GPATCH2: variants seen among roughly 807,000 people sequenced by gnomAD.
The protein encoded by GPATCH2 is G patch domain-containing protein 2.
Under a neutral mutation model 58.0 loss-of-function variants are expected in GPATCH2, and 51 were observed. The ratio of observed to expected loss-of-function variants is 0.88; its 90% confidence interval spans 0.70 to 1.11. GPATCH2 has a LOEUF of 1.11. GPATCH2 is among the 50% of genes most tolerant of loss of function. The pLI, the probability that GPATCH2 is intolerant of heterozygous loss-of-function variation, is 0.00. For synonymous variants in GPATCH2, 222 were observed against 218.5 expected (o/e 1.02, Z -0.14); for missense variants, 625 against 652.2 (o/e 0.96, Z 0.45).
intron 5 of GPATCH2, among the ~76,000 whole-genome samples, chr1:217,517,928 A>G (rs1315518980): frequency 6.6e-6 from 1 of 152,138 alleles, no homozygotes; most frequent in Non-Finnish European, 1.5e-5. Context: ...CCACAATCCA[A>G]TTCTTATAAT....
At chr1:217,480,467 G>T (rs1400267063) in intron 8 of GPATCH2, among the ~76,000 whole-genome samples, 1 of 152,106 alleles carries the variant, frequency 6.6e-6, no homozygotes, top group Non-Finnish European at 1.5e-5. Context: ...AGTTGAAATG[G>T]CTTATATCCA....
At chr1:217,518,614 T>G (rs1663297414) in intron 5 of GPATCH2, among the ~76,000 whole-genome samples, 1 of 152,184 alleles carries the variant, frequency 6.6e-6, no homozygotes, top group African/African-American at 2.4e-5. Flanking sequence ...AAGAGTCACG[T>G]AAGATTAATA....
chr1:217,473,174 G>A (rs1325874117), intron 8 of GPATCH2, among the ~76,000 whole-genome samples: 1 of 152,126 alleles, frequency 6.6e-6, no homozygotes, highest in Non-Finnish European at 1.5e-5. Context: ...CTGCCTTAGT[G>A]AGATAAGTTG....
intron 8 of GPATCH2, among the ~76,000 whole-genome samples, chr1:217,464,942 A>G (rs1410230075): frequency 1.3e-5 from 2 of 152,260 alleles, no homozygotes; most frequent in Middle Eastern, 3.4e-3. Flanking sequence ...AATGAAAACT[A>G]CACCTGATAA....
intron 9 of GPATCH2, among the ~76,000 whole-genome samples, chr1:217,433,682 C>T (rs1282619722): frequency 6.6e-6 from 1 of 152,142 alleles, no homozygotes; most frequent in Non-Finnish European, 1.5e-5. Context: ...AGGCGTGAGC[C>T]ACCACACCCA....
intron 5 of GPATCH2, among the ~76,000 whole-genome samples, chr1:217,532,102 C>T (rs1571872427): frequency 6.6e-6 from 1 of 152,148 alleles, no homozygotes; most frequent in Admixed American, 6.5e-5. Context: ...AAACAGAATC[C>T]CAAGTAGCAC....
At chr1:217,457,994 G>A (rs1224368941) in intron 8 of GPATCH2, among the ~76,000 whole-genome samples, 1 of 152,110 alleles carries the variant, frequency 6.6e-6, no homozygotes, top group African/African-American at 2.4e-5. Flanking sequence ...TTGAGAGGCC[G>A]AGGCGGGCGG....
At chr1:217,543,837 A>G (rs577356993) in intron 5 of GPATCH2, among the ~76,000 whole-genome samples, 1 of 152,252 alleles carries the variant, frequency 6.6e-6, no homozygotes, top group South Asian at 2.1e-4. Flanking sequence ...AGAACAGAAC[A>G]AACAAAGAAG....
chr1:217,600,909 T>A (rs1668073396), intron 5 of GPATCH2, among the ~76,000 whole-genome samples: 1 of 152,110 alleles, frequency 6.6e-6, no homozygotes, highest in South Asian at 2.1e-4. Context: ...ATTTGCAAAT[T>A]CAATGTTTTT....
At chr1:217,500,875 A>G (rs368994926) in intron 6 of GPATCH2, among the ~76,000 whole-genome samples, 1 of 152,068 alleles carries the variant, frequency 6.6e-6, no homozygotes, top group African/African-American at 2.4e-5. Context: ...TGATTTATCA[A>G]TCTTTACAAG....
intron 5 of GPATCH2, among the ~76,000 whole-genome samples, chr1:217,554,027 G>A (rs994985924): frequency 1.3e-5 from 2 of 152,160 alleles, no homozygotes; most frequent in African/African-American, 2.4e-5. Context: ...CCAACTGGAC[G>A]CTTCAGCGCA....
chr1:217,443,719 C>T (rs1184821593), intron 9 of GPATCH2, among the ~76,000 whole-genome samples: 2 of 152,058 alleles, frequency 1.3e-5, no homozygotes, highest in Non-Finnish European at 2.9e-5. Context: ...TCTCTCTGTG[C>T]TGCTTTTATG....
At chr1:217,560,768 T>G (rs1268027029) in intron 5 of GPATCH2, among the ~76,000 whole-genome samples, 2 of 152,212 alleles carry the variant, frequency 1.3e-5, no homozygotes, top group African/African-American at 4.8e-5. Flanking sequence ...CTCTTCCAAC[T>G]GGAAGTTAGT....
At chr1:217,509,034 A>G (rs993284983) in intron 6 of GPATCH2, among the ~76,000 whole-genome samples, 3 of 152,180 alleles carry the variant, frequency 2.0e-5, no homozygotes, top group African/African-American at 7.2e-5. Flanking sequence ...GTTTTTCAGT[A>G]TCTGTCTTCA....
At position 217,612,482 on chromosome 1, in the gene GPATCH2, G is replaced by A. The variant is rs531321551; in HGVS notation, c.836-1411C>T. Among the ~76,000 whole-genome samples, 49 of 152,148 alleles carry A rather than the reference G, an allele frequency of 3.2e-4. 1 individual carries two copies. The highest frequency in any genetic ancestry group is 1.0e-3 in the African/African-American group (42 of 41,528). On this transcript the variant is annotated intron_variant, in intron 3 of 9. Transcript: ENST00000366935. The stretch of plus-strand genomic sequence containing the variant: ...AACTAAGTCACAATGGAAAATTAAA[G>A]GCATTTCAAAAATTAGAGTCATCAG...
intron 5 of GPATCH2, among the ~76,000 whole-genome samples, chr1:217,536,840 G>A (rs910889593): frequency 3.9e-5 from 6 of 152,116 alleles, no homozygotes; most frequent in Admixed American, 3.9e-4. Context: ...AGCCGGGCGT[G>A]GTGGTGCATA....
intron 5 of GPATCH2, among the ~76,000 whole-genome samples, chr1:217,589,976 G>T (rs1336641063): frequency 6.6e-6 from 1 of 151,292 alleles, no homozygotes; most frequent in African/African-American, 2.4e-5. Flanking sequence ...TGAAAACCCA[G>T]AAAGTTTTCA....
At chr1:217,442,238 G>C (rs1659175993) in intron 9 of GPATCH2, among the ~76,000 whole-genome samples, 1 of 151,998 alleles carries the variant, frequency 6.6e-6, no homozygotes, top group South Asian at 2.1e-4. Context: ...AACTAACACA[G>C]GAAAAGAAAA....
intron 5 of GPATCH2, among the ~76,000 whole-genome samples, chr1:217,585,897 C>A (rs1381409584): frequency 6.6e-6 from 1 of 152,132 alleles, no homozygotes; most frequent in Admixed American, 6.5e-5. Flanking sequence ...AGGCTACAAA[C>A]CTCTACAGCA....
Sources: allele counts gnomAD v4.1 joint callset (sites outside exome capture counted in the v4.1 genomes callset), GRCh38; gene constraint gnomAD v4.1.1; transcripts MANE v1.5; gene names NCBI Gene and HGNC (gene_info 2026-07-23, HGNC 2026-07-21).